TRPC6: variants seen among roughly 807,000 people sequenced by gnomAD.
TRPC6 encodes the protein transient receptor potential cation channel subfamily C member 6.
TRPC6 carries 55 observed loss-of-function variants against 90.7 expected under a neutral mutation model. The ratio of observed to expected loss-of-function variants is 0.61; its 90% CI spans 0.49 to 0.76. The LOEUF (loss-of-function observed/expected upper bound fraction) is 0.76. Among genes scored for constraint, TRPC6 ranks in the 30% least tolerant of loss-of-function variants. The pLI is 0.00. For synonymous variants in TRPC6, 393 were observed against 393.0 expected (o/e 1.00, Z 0.00); for missense variants, 989 against 1,122.7 (o/e 0.88, Z 1.70).
intron 4 of TRPC6, 79 bp from the exon 5 acceptor site, chr11:101,483,244 T>C (rs1037096775): frequency 4.4e-6 from 6 of 1,370,242 alleles, no homozygotes; most frequent in African/African-American, 1.4e-5. Flanking sequence ...CATGCAAGAA[T>C]AAACATCTGC....
chr11:101,545,409 G>A (rs1282986711), intron 1 of TRPC6, among the ~76,000 whole-genome samples: 1 of 152,088 alleles, frequency 6.6e-6, no homozygotes, highest in Non-Finnish European at 1.5e-5. Flanking sequence ...TGCTATCTGC[G>A]TGGGGAGTGG....
At chr11:101,490,100 T>G (rs985773706) in intron 3 of TRPC6, among the ~76,000 whole-genome samples, 1 of 152,146 alleles carries the variant, frequency 6.6e-6, no homozygotes. Flanking sequence ...TGTTTACGAG[T>G]AAAAGTCATG....
intron 1 of TRPC6, among the ~76,000 whole-genome samples, chr11:101,542,716 C>T (rs1243149063): frequency 6.6e-6 from 1 of 151,344 alleles, no homozygotes; most frequent in Non-Finnish European, 1.5e-5. Flanking sequence ...ATCTTTATAG[C>T]TAAATTTATA....
intron 4 of TRPC6, among the ~76,000 whole-genome samples, chr11:101,487,790 G>GATA: frequency 6.6e-6 from 1 of 152,082 alleles, no homozygotes; most frequent in East Asian, 1.9e-4. Context: ...CTATGATGAT[G>GATA]GATTTTACTC....
At chr11:101,557,988 T>C (rs1488147374) in intron 1 of TRPC6, among the ~76,000 whole-genome samples, 1 of 152,068 alleles carries the variant, frequency 6.6e-6, no homozygotes. Flanking sequence ...TGCAATCCTT[T>C]TCAAAATTCC....
chr11:101,464,676 T>A (rs1859100168), intron 10 of TRPC6, among the ~76,000 whole-genome samples: 1 of 152,170 alleles, frequency 6.6e-6, no homozygotes, highest in Admixed American at 6.5e-5. Flanking sequence ...ATTTTGAGCC[T>A]ATGTGTGTCT....
chr11:101,460,481 T>C (rs1287528492), intron 10 of TRPC6, among the ~76,000 whole-genome samples: 1 of 152,256 alleles, frequency 6.6e-6, no homozygotes, highest in Non-Finnish European at 1.5e-5. Flanking sequence ...TTGATGTTTT[T>C]ATTTAATATT....
chr11:101,456,364 A>G (rs1190263898), intron 10 of TRPC6, among the ~76,000 whole-genome samples: 1 of 152,180 alleles, frequency 6.6e-6, no homozygotes, highest in African/African-American at 2.4e-5. Context: ...TCCACATAAC[A>G]TCTTAAATAA....
chr11:101,465,220 T>C (rs1859113904), intron 10 of TRPC6, among the ~76,000 whole-genome samples: 1 of 152,142 alleles, frequency 6.6e-6, no homozygotes, highest in South Asian at 2.1e-4. Flanking sequence ...TGCCCTTAAG[T>C]TTTTTCCTTC....
Position 101,583,379 on chromosome 11 carries a change from C to G in TRPC6, c.125G>C (p.Gly42Ala), listed in dbSNP as rs1415600735. Residue 42 changes from glycine to alanine, a missense_variant, in exon 1 of 13, where the codon GGC (glycine) becomes GCC (alanine). Transcript: ENST00000344327. ...LLMDSELGEDGCPQAPLPCYG... is the reference protein window; with the variant it reads ...LLMDSELGEDACPQAPLPCYG... ...GCAAGGCAGCGGGGCTTGCGGGCAGCCGTCTTCTCCCAGCTCCGAGTCCAT... is the reference window on the plus strand; with the variant it reads ...GCAAGGCAGCGGGGCTTGCGGGCAGGCGTCTTCTCCCAGCTCCGAGTCCAT... 2.5e-6 allele frequency: 4 copies of G among 1,593,288 alleles called. No individual in the cohort carries two copies. The highest frequency in any genetic ancestry group is 3.4e-6 in the Non-Finnish European group (4 of 1,170,288).
chr11:101,548,388 T>A (rs1861366303), intron 1 of TRPC6, among the ~76,000 whole-genome samples: 1 of 117,498 alleles, frequency 8.5e-6, no homozygotes, highest in African/African-American at 2.8e-5. Context: ...TATAAATATA[T>A]TATGTATAAT....
chr11:101,491,471 T>C, intron 3 of TRPC6, 85 bp downstream of exon 3: 1 of 1,526,930 alleles, frequency 6.5e-7, no homozygotes. Flanking sequence ...AAATCCCAGC[T>C]TAATCTAACA....
chr11:101,485,561 C>A (rs1041939312), intron 4 of TRPC6, among the ~76,000 whole-genome samples: 1 of 148,358 alleles, frequency 6.7e-6, no homozygotes, highest in African/African-American at 2.6e-5. Flanking sequence ...TGGGAAAATC[C>A]ATTATAAATC....
intron 1 of TRPC6, among the ~76,000 whole-genome samples, chr11:101,574,721 T>G (rs1419313331): frequency 7.0e-6 from 1 of 143,826 alleles, no homozygotes; most frequent in African/African-American, 2.8e-5. Flanking sequence ...TATACAAAAT[T>G]CTGTTTCAAG....
At chr11:101,539,034 G>A (rs886822525) in intron 1 of TRPC6, among the ~76,000 whole-genome samples, 1 of 152,196 alleles carries the variant, frequency 6.6e-6, no homozygotes, top group East Asian at 1.9e-4. Flanking sequence ...CTGCTAACCT[G>A]CAGAACCGTG....
At chr11:101,557,618 C>CA (rs1565242702) in intron 1 of TRPC6, among the ~76,000 whole-genome samples, 9 of 81,096 alleles carry the variant, frequency 1.1e-4, no homozygotes, top group African/African-American at 4.4e-4. Context: ...TCTACTAATT[C>CA]CACACACACA....
chr11:101,458,794 T>A (rs1337675867), intron 10 of TRPC6, among the ~76,000 whole-genome samples: 1 of 152,208 alleles, frequency 6.6e-6, no homozygotes, highest in African/African-American at 2.4e-5. Context: ...CTGGAGCAGA[T>A]GTGAAGGCAG....
intron 4 of TRPC6, among the ~76,000 whole-genome samples, chr11:101,486,895 C>T (rs1372714985): frequency 6.6e-6 from 1 of 152,042 alleles, no homozygotes; most frequent in African/African-American, 2.4e-5. Context: ...TAGATTTTAT[C>T]ATCATGCTTC....
chr11:101,555,151 T>C (rs974306384), intron 1 of TRPC6, among the ~76,000 whole-genome samples: 3 of 152,204 alleles, frequency 2.0e-5, no homozygotes, highest in Non-Finnish European at 4.4e-5. Flanking sequence ...TTGTGAAGTG[T>C]ACATTCACTA....
Sources: allele counts gnomAD v4.1 joint callset (sites outside exome capture counted in the v4.1 genomes callset), GRCh38; gene constraint gnomAD v4.1.1; transcripts MANE v1.5; gene names NCBI Gene and HGNC (gene_info 2026-07-23, HGNC 2026-07-21).